Variants in CCSER1 observed in about 807,000 individuals in gnomAD.
The protein encoded by CCSER1 is coiled-coil serine rich protein 1.
A neutral mutation model predicts 82.0 loss-of-function variants in CCSER1; 41 were observed. The ratio of observed to expected loss-of-function variants is 0.50; its 90% CI spans 0.39 to 0.65. The LOEUF is 0.65. CCSER1 is among the 30% of genes least tolerant of loss of function. CCSER1 has a pLI of 0.00. For missense variants in CCSER1, 1,119 were observed against 1,064.2 expected (o/e 1.05, Z -0.72); for synonymous variants, 414 against 383.9 (o/e 1.08, Z -0.92).
intron 8 of CCSER1, among the ~76,000 whole-genome samples, chr4:90,905,043 C>G (rs576110839): frequency 6.6e-6 from 1 of 152,052 alleles, no homozygotes; most frequent in South Asian, 2.1e-4. Context: ...TTTTGCTAAA[C>G]CTACCAATTA....
At chr4:91,492,133 C>T (rs1758581583) in intron 10 of CCSER1, among the ~76,000 whole-genome samples, 1 of 151,966 alleles carries the variant, frequency 6.6e-6, no homozygotes, top group Admixed American at 6.6e-5. Context: ...CTGCTCTTGG[C>T]TTATCTCCTA....
At chr4:91,335,776 G>A (rs1468093127) in intron 10 of CCSER1, among the ~76,000 whole-genome samples, 1 of 151,908 alleles carries the variant, frequency 6.6e-6, no homozygotes, top group Admixed American at 6.6e-5. Flanking sequence ...TTCTTTAGCA[G>A]CATCATGAAA....
intron 10 of CCSER1, among the ~76,000 whole-genome samples, chr4:91,164,231 T>C (rs1731773846): frequency 6.6e-6 from 1 of 152,326 alleles, no homozygotes; most frequent in African/African-American, 2.4e-5. Flanking sequence ...TGAAAATTCT[T>C]TCCTTTAAGA....
intron 9 of CCSER1, among the ~76,000 whole-genome samples, chr4:91,059,354 C>CAT (rs1743753859): frequency 1.3e-4 from 11 of 81,666 alleles, no homozygotes; most frequent in African/African-American, 3.2e-4. Flanking sequence ...TATATATACA[C>CAT]GTGTGTATGT....
intron 7 of CCSER1, among the ~76,000 whole-genome samples, chr4:90,805,391 C>T (rs1003586143): frequency 1.1e-4 from 16 of 152,132 alleles, no homozygotes; most frequent in South Asian, 4.1e-4. Flanking sequence ...TCAGTGGAAG[C>T]GCCATGTGGT....
chr4:90,913,657 T>G lies in CCSER1; in HGVS notation c.2095-9713T>G, dbSNP rs141613558. Reference sequence around the variant, plus strand: ...CACATAACAATATTAACCTTAAATGTAAATGGGCTAAATGCTCCAACTGAA... The same window carrying G: ...CACATAACAATATTAACCTTAAATGGAAATGGGCTAAATGCTCCAACTGAA... On this transcript the variant is annotated intron_variant, in intron 8 of 10. Coordinates refer to ENST00000509176, the MANE Select transcript of CCSER1 (RefSeq NM_001145065.2). Among the ~76,000 whole-genome samples the G allele has an allele frequency of 6.2e-3, 946 of 152,250 alleles. 4 individuals are homozygous for G. Among genetic ancestry groups the G allele is most frequent in the African/African-American group, 0.022 (897 of 41,546 alleles).
chr4:90,393,815 C>T (rs1335524130), intron 3 of CCSER1, among the ~76,000 whole-genome samples: 5 of 127,272 alleles, frequency 3.9e-5, no homozygotes, highest in Admixed American at 1.8e-4. Context: ...CTTGCTCCAT[C>T]GCCCATGCTG....
At chr4:91,149,936 G>T (rs1403987230) in intron 10 of CCSER1, among the ~76,000 whole-genome samples, 1 of 152,040 alleles carries the variant, frequency 6.6e-6, no homozygotes, top group Admixed American at 6.6e-5. Flanking sequence ...TTGTTCTTGT[G>T]GCTTAGGATT....
chr4:90,955,590 A>G (rs749663106), intron 9 of CCSER1, among the ~76,000 whole-genome samples: 6 of 152,146 alleles, frequency 3.9e-5, no homozygotes, highest in Non-Finnish European at 7.4e-5. Flanking sequence ...CTGCCTCAGG[A>G]CATTCCATTC....
At position 90,419,142 on chromosome 4, in the gene CCSER1, A is replaced by G. The variant is rs187895223; in HGVS notation, c.1603+19013A>G. On this transcript the variant is annotated intron_variant, in intron 4 of 10. Transcript: ENST00000509176. ...AAGGAGCAGTTATAATAGCGTTTCCAAATTTTCTATTACACTACAATTTTG... is the reference window on the plus strand; with the variant it reads ...AAGGAGCAGTTATAATAGCGTTTCCGAATTTTCTATTACACTACAATTTTG... Among the ~76,000 whole-genome samples the G allele has an allele frequency of 2.0e-3, 305 of 152,142 alleles. 1 individual carries two copies. Among genetic ancestry groups the G allele is most frequent in the Non-Finnish European group, 1.9e-3 (128 of 67,882 alleles).
At chr4:90,540,675 G>T (rs895285290) in intron 5 of CCSER1, among the ~76,000 whole-genome samples, 11 of 151,976 alleles carry the variant, frequency 7.2e-5, no homozygotes, top group Non-Finnish European at 1.2e-4. Context: ...TAGGTGTGAG[G>T]TTACAGAGTA....
chr4:90,430,832 C>T (rs969280929), intron 4 of CCSER1, among the ~76,000 whole-genome samples: 4 of 151,858 alleles, frequency 2.6e-5, no homozygotes, highest in Non-Finnish European at 4.4e-5. Context: ...TATTTATGGA[C>T]TGTTAACTAT....
chr4:90,457,709 G>T (rs1578563826), intron 4 of CCSER1, among the ~76,000 whole-genome samples: 2 of 152,110 alleles, frequency 1.3e-5, no homozygotes, highest in Non-Finnish European at 2.9e-5. Context: ...TCCATGGGCG[G>T]CCATGGCTGG....
intron 10 of CCSER1, among the ~76,000 whole-genome samples, chr4:91,595,048 TAA>T (rs901658404): frequency 7.0e-6 from 1 of 143,290 alleles, no homozygotes; most frequent in Non-Finnish European, 1.5e-5. Flanking sequence ...TTTCTCTGCT[TAA>T]AAAAAAAAAG....
At chr4:90,483,899 A>C (rs1030417189) in intron 5 of CCSER1, among the ~76,000 whole-genome samples, 2 of 151,960 alleles carry the variant, frequency 1.3e-5, no homozygotes, top group African/African-American at 2.4e-5. Context: ...CTCTGTATTC[A>C]CTGAATGTGA....
intron 10 of CCSER1, among the ~76,000 whole-genome samples, chr4:91,296,667 C>T (rs1039437593): frequency 5.4e-5 from 8 of 149,476 alleles, no homozygotes; most frequent in Non-Finnish European, 1.0e-4. Context: ...TATATATGTA[C>T]TTCTTCCCAA....
Position 90,294,630 on chromosome 4 carries a change from T to C in CCSER1, c.-41-13614T>C, listed in dbSNP as rs149404220. Among the ~76,000 whole-genome samples the C allele has an allele frequency of 2.0e-3, 303 of 152,196 alleles. 1 individual carries two copies. The highest frequency in any genetic ancestry group is 7.0e-3 in the African/African-American group (292 of 41,560). On this transcript the variant is annotated intron_variant, in intron 1 of 10. Coordinates refer to ENST00000509176, the MANE Select transcript of CCSER1 (RefSeq NM_001145065.2). ...TAAGACATTTACATGCGTATTTCTA[T>C]ATCCTTCCATATTTTGTAGTTTTTA...
At chr4:91,478,671 A>G (rs1757724544) in intron 10 of CCSER1, among the ~76,000 whole-genome samples, 1 of 151,938 alleles carries the variant, frequency 6.6e-6, no homozygotes. Context: ...TTTAAATGTC[A>G]AAGTTCGAAA....
At chr4:91,476,135 C>A (rs2110029106) in intron 10 of CCSER1, among the ~76,000 whole-genome samples, 1 of 151,738 alleles carries the variant, frequency 6.6e-6, no homozygotes, top group Non-Finnish European at 1.5e-5. Flanking sequence ...TACTGATTTC[C>A]TTTCTTTTGG....
Sources: allele counts gnomAD v4.1 joint callset (sites outside exome capture counted in the v4.1 genomes callset), GRCh38; gene constraint gnomAD v4.1.1; transcripts MANE v1.5; gene names NCBI Gene and HGNC (gene_info 2026-07-23, HGNC 2026-07-21).